PLA2G4A: variants seen among roughly 807,000 people sequenced by gnomAD.
PLA2G4A encodes phospholipase A2 group IVA.
In PLA2G4A, 40 loss-of-function variants were observed where a neutral mutation model predicts 81.9. The ratio of observed to expected loss-of-function variants is 0.49; its 90% CI spans 0.38 to 0.64. The LOEUF (loss-of-function observed/expected upper bound fraction) is 0.64. Among genes scored for constraint, PLA2G4A ranks in the 30% least tolerant of loss-of-function variants. The probability of loss-of-function intolerance (pLI) is 0.00; values close to 1 mark genes in which losing one functional copy is unlikely to be tolerated. For synonymous variants in PLA2G4A, 302 were observed against 296.9 expected (o/e 1.02, Z -0.18); for missense variants, 715 against 905.1 (o/e 0.79, Z 2.69).
chr1:186,956,957 G>A (rs2102258446), intron 14 of PLA2G4A, among the ~76,000 whole-genome samples: 1 of 152,158 alleles, frequency 6.6e-6, no homozygotes, highest in Admixed American at 6.5e-5. Context: ...GGGAGGCCGA[G>A]ACTGGTGGAT....
intron 3 of PLA2G4A, among the ~76,000 whole-genome samples, chr1:186,883,033 G>C (rs1248844145): frequency 6.6e-6 from 1 of 151,790 alleles, no homozygotes; most frequent in African/African-American, 2.4e-5. Context: ...CTTACATTTA[G>C]GAAAAGAATG....
chr1:186,842,289 T>G (rs901706986), intron 1 of PLA2G4A, among the ~76,000 whole-genome samples: 3 of 152,068 alleles, frequency 2.0e-5, no homozygotes. Flanking sequence ...ACAATTCACC[T>G]GCTTTGGCCT....
At chr1:186,844,617 G>C (rs1403798115) in intron 1 of PLA2G4A, among the ~76,000 whole-genome samples, 2 of 152,054 alleles carry the variant, frequency 1.3e-5, no homozygotes, top group Non-Finnish European at 2.9e-5. Context: ...TGGGTCAAAT[G>C]GTATTTCTAG....
At chr1:186,979,614 A>C in intron 17 of PLA2G4A, 142 bp downstream of exon 17, 1 of 647,412 alleles carries the variant, frequency 1.5e-6, no homozygotes, top group Non-Finnish European at 2.7e-6. Context: ...TTTTCATGAA[A>C]TATTTTGCTA....
intron 3 of PLA2G4A, among the ~76,000 whole-genome samples, chr1:186,873,164 A>G (rs982886654): frequency 1.3e-5 from 2 of 152,080 alleles, no homozygotes; most frequent in African/African-American, 4.8e-5. Context: ...AATAGATGAT[A>G]TATAGTGCCA....
At chr1:186,861,308 C>T (rs1278509077) in intron 2 of PLA2G4A, among the ~76,000 whole-genome samples, 1 of 152,096 alleles carries the variant, frequency 6.6e-6, no homozygotes, top group Non-Finnish European at 1.5e-5. Context: ...CTTAGAACGC[C>T]GAGGAATCTC....
chr1:186,836,795 C>T (rs891970422), intron 1 of PLA2G4A, among the ~76,000 whole-genome samples: 3 of 152,082 alleles, frequency 2.0e-5, no homozygotes, highest in African/African-American at 7.2e-5. Context: ...TAGTTCATTC[C>T]GTCTTAGTGG....
intron 3 of PLA2G4A, among the ~76,000 whole-genome samples, chr1:186,892,776 A>G (rs1654191337): frequency 6.6e-6 from 1 of 152,194 alleles, no homozygotes; most frequent in Non-Finnish European, 1.5e-5. Flanking sequence ...GGAATTCTGA[A>G]TAAATCACTT....
chr1:186,948,124 T>G, intron 12 of PLA2G4A, among the ~76,000 whole-genome samples: 1 of 152,206 alleles, frequency 6.6e-6, no homozygotes, highest in South Asian at 2.1e-4. Flanking sequence ...TGTGGTAAAC[T>G]CCTGTAGTTC....
chr1:186,851,759 A>G (rs891444984), intron 1 of PLA2G4A, among the ~76,000 whole-genome samples: 21 of 152,136 alleles, frequency 1.4e-4, no homozygotes, highest in African/African-American at 4.8e-4. Flanking sequence ...ATTGTTTTAT[A>G]ATGTTATCCA....
At chr1:186,842,189 C>T (rs919500807) in intron 1 of PLA2G4A, among the ~76,000 whole-genome samples, 14 of 151,946 alleles carry the variant, frequency 9.2e-5, no homozygotes, top group African/African-American at 3.4e-4. Context: ...GTTACAGACA[C>T]CCACCACCAC....
intron 10 of PLA2G4A, among the ~76,000 whole-genome samples, chr1:186,941,297 C>T (rs2102222639): frequency 6.6e-6 from 1 of 152,198 alleles, no homozygotes. Flanking sequence ...GTGTAATTGG[C>T]ACATATATAT....
chr1:186,908,581 C>T (rs1333833160), intron 6 of PLA2G4A, among the ~76,000 whole-genome samples: 1 of 151,818 alleles, frequency 6.6e-6, no homozygotes, highest in Non-Finnish European at 1.5e-5. Flanking sequence ...ACACGTATAC[C>T]ACATGTTAAT....
chr1:186,853,702 G>GA, intron 1 of PLA2G4A, among the ~76,000 whole-genome samples: 1 of 151,748 alleles, frequency 6.6e-6, no homozygotes, highest in African/African-American at 2.4e-5. Context: ...AAGTGTAGAA[G>GA]AAAAAAGGAA....
chr1:186,901,136 C>A (rs995316116), intron 5 of PLA2G4A, among the ~76,000 whole-genome samples: 5 of 152,126 alleles, frequency 3.3e-5, no homozygotes, highest in African/African-American at 1.2e-4. Context: ...GGAGGGAAAA[C>A]AAGAGAACGA....
intron 1 of PLA2G4A, among the ~76,000 whole-genome samples, chr1:186,833,441 A>C (rs1651670122): frequency 6.6e-6 from 1 of 152,232 alleles, no homozygotes; most frequent in Non-Finnish European, 1.5e-5. Flanking sequence ...ATTGGTTGTG[A>C]ACAACCAATT....
intron 2 of PLA2G4A, among the ~76,000 whole-genome samples, chr1:186,857,343 T>C (rs1449093072): frequency 1.6e-5 from 2 of 123,366 alleles, no homozygotes; most frequent in African/African-American, 6.3e-5. Context: ...TAATATTATA[T>C]ATATTATAAA....
intron 1 of PLA2G4A, among the ~76,000 whole-genome samples, chr1:186,830,630 A>AAAAAAAAAAAAAAAAAT (rs1472001923): frequency 6.6e-6 from 1 of 151,424 alleles, no homozygotes; most frequent in African/African-American, 2.4e-5. Context: ...AAAAAAAAAA[A>AAAAAAAAAAAAAAAAAT]AAGTAAGTTA....
intron 17 of PLA2G4A, among the ~76,000 whole-genome samples, chr1:186,979,769 A>G (rs1273182777): frequency 6.6e-6 from 1 of 152,102 alleles, no homozygotes; most frequent in Non-Finnish European, 1.5e-5. Context: ...AGTAAGGAAG[A>G]AAAGTGATGA....
Sources: allele counts gnomAD v4.1 joint callset (sites outside exome capture counted in the v4.1 genomes callset), GRCh38; gene constraint gnomAD v4.1.1; transcripts MANE v1.5; gene names NCBI Gene and HGNC (gene_info 2026-07-23, HGNC 2026-07-21).